The following ABCB5 variants were observed in gnomAD, a reference collection of about 807,000 sequenced individuals.
ABCB5 encodes the protein ATP-binding cassette sub-family B member 5.
A neutral mutation model predicts 144.2 loss-of-function variants in ABCB5; 155 were observed. That is an observed-to-expected ratio of 1.08 (90% confidence interval 0.94 to 1.23). The LOEUF is 1.23. ABCB5 is among the 50% of genes most tolerant of loss of function. The pLI is 0.00. For missense variants in ABCB5, 1,830 were observed against 1,520.8 expected (o/e 1.20, Z -3.38); for synonymous variants, 610 against 528.6 (o/e 1.15, Z -2.11).
chr7:20,677,601 C>G (rs954835809), intron 14 of ABCB5, among the ~76,000 whole-genome samples: 1 of 151,996 alleles, frequency 6.6e-6, no homozygotes, highest in African/African-American at 2.4e-5. Context: ...TGGTGGTGCA[C>G]GCCTGTAATT....
In ABCB5 at chr7:20,681,617, C is replaced by T. The variant is rs1339588954; in HGVS notation, c.1820C>T (p.Ala607Val). The change falls in exon 15 of 28, where the codon GCT (alanine) becomes GTT (valine). Residue 607 changes from alanine (A) to valine (V), a missense_variant. Transcript: ENST00000404938. ...DGMLAEKGAHAELMAKRGLYY... is the reference protein window; with the variant it reads ...DGMLAEKGAHVELMAKRGLYY... ...ATGCTGGCGGAGAAAGGAGCACATG[C>T]TGAACTAATGGCAAAACGAGGTCTA... The T allele has an allele frequency of 6.2e-7, 1 of 1,614,056 alleles. No homozygotes were observed. Among genetic ancestry groups the T allele is most frequent in the African/African-American group, 1.3e-5 (1 of 74,902 alleles).
At chr7:20,677,805 T>C (rs1785665017) in intron 14 of ABCB5, among the ~76,000 whole-genome samples, 1 of 152,132 alleles carries the variant, frequency 6.6e-6, no homozygotes, top group African/African-American at 2.4e-5. Flanking sequence ...TTTAAATGAC[T>C]CCCTTAATAT....
intron 17 of ABCB5, among the ~76,000 whole-genome samples, chr7:20,699,173 G>C (rs555317179): frequency 1.3e-5 from 2 of 152,244 alleles, no homozygotes; most frequent in East Asian, 3.9e-4. Flanking sequence ...AGACTACTAA[G>C]AAACTTGAGT....
chr7:20,635,757 C>T (rs957962109), intron 5 of ABCB5, among the ~76,000 whole-genome samples: 1 of 151,984 alleles, frequency 6.6e-6, no homozygotes, highest in African/African-American at 2.4e-5. Flanking sequence ...ATTTTATAAC[C>T]TGAGTCTTGA....
chr7:20,663,597 G>A (rs1391590368), intron 14 of ABCB5, among the ~76,000 whole-genome samples: 1 of 152,116 alleles, frequency 6.6e-6, no homozygotes, highest in Admixed American at 6.6e-5. Context: ...GGGAAAGCGG[G>A]GAGTTAGTGT....
At chr7:20,657,044 C>G (rs1407667946) in intron 13 of ABCB5, among the ~76,000 whole-genome samples, 1 of 151,546 alleles carries the variant, frequency 6.6e-6, no homozygotes, top group Non-Finnish European at 1.5e-5. Context: ...ACCTCAGCCT[C>G]CTGAGTAGCT....
chr7:20,748,917 A>T (rs10267176), intron 26 of ABCB5, among the ~76,000 whole-genome samples: 7,439 of 152,146 alleles, frequency 0.049, 270 homozygotes, highest in East Asian at 0.17. Flanking sequence ...TTATTTAGCA[A>T]ATTGAATTGT....
chr7:20,691,131 G>A (rs1786208810), intron 16 of ABCB5, among the ~76,000 whole-genome samples: 1 of 150,396 alleles, frequency 6.6e-6, no homozygotes, highest in South Asian at 2.1e-4. Flanking sequence ...TTCAGGCCTC[G>A]GAGCCTAGAG....
intron 23 of ABCB5, 116 bp from the exon 24 acceptor site, chr7:20,738,867 T>A (rs1782470911): frequency 2.6e-6 from 3 of 1,164,392 alleles, no homozygotes; most frequent in East Asian, 2.8e-5. Context: ...GCGTTAGGGG[T>A]GCCGTCTACA....
At chr7:20,659,384 T>A in intron 14 of ABCB5, 1 of 1,230,054 alleles carries the variant, frequency 8.1e-7, no homozygotes, top group South Asian at 3.7e-5. Flanking sequence ...TGCTTGGAAG[T>A]GAGTTAAGCG....
At chr7:20,742,743 A>T in intron 24 of ABCB5, 134 bp from the exon 25 acceptor site, 1 of 780,918 alleles carries the variant, frequency 1.3e-6, no homozygotes, top group Non-Finnish European at 2.1e-6. Context: ...AGCTCTACAG[A>T]GATGCATACA....
At chr7:20,731,385 T>TATATATATATATATATATATATATAC in intron 23 of ABCB5, among the ~76,000 whole-genome samples, 1 of 147,204 alleles carries the variant, frequency 6.8e-6, no homozygotes, top group South Asian at 2.1e-4. Context: ...TATATATATA[T>TATATATATATATATATATATATATAC]ACATATAAAA....
At position 20,654,019 on chromosome 7, in the gene ABCB5, G is replaced by T. The variant is rs2285562; in HGVS notation, c.1536+2396G>T. On this transcript the variant is annotated intron_variant, in intron 13 of 27. Coordinates refer to ENST00000404938, the MANE Select transcript of ABCB5 (RefSeq NM_001163941.2). ...CTGCCCTAACAAACCCTGAGACCAA[G>T]CCATGACAAGATGCCCAGAGAAGAG... Among the ~76,000 whole-genome samples the T allele has an allele frequency of 0.042, 6,419 of 152,238 alleles. 752 individuals carry two copies. In the East Asian group the frequency reaches 0.43, roughly 10 times the overall value.
chr7:20,692,877 G>A (rs1216176547), intron 16 of ABCB5, among the ~76,000 whole-genome samples: 1 of 152,020 alleles, frequency 6.6e-6, no homozygotes, highest in African/African-American at 2.4e-5. Flanking sequence ...AATTAAAAAG[G>A]AATCAGTTTA....
chr7:20,617,415 A>G (rs563771354), intron 1 of ABCB5, among the ~76,000 whole-genome samples: 66 of 152,320 alleles, frequency 4.3e-4, no homozygotes, highest in African/African-American at 1.4e-3. Flanking sequence ...ATACTTTAAA[A>G]CTGTGCTATT....
At chr7:20,620,841 CA>C (rs35442768) in intron 1 of ABCB5, among the ~76,000 whole-genome samples, 1 of 152,050 alleles carries the variant, frequency 6.6e-6, no homozygotes, top group East Asian at 1.9e-4. Context: ...GAATATTTCT[CA>C]AAAAGTTAAA....
chr7:20,727,265 T>C (rs766885155), intron 22 of ABCB5, 125 bp downstream of exon 22: 32 of 544,680 alleles, frequency 5.9e-5, no homozygotes, highest in Non-Finnish European at 9.8e-5. Flanking sequence ...TAATGTCATG[T>C]CATAATTTCT....
At chr7:20,658,342 A>G (rs1227135078) in intron 13 of ABCB5, among the ~76,000 whole-genome samples, 164 bp from the exon 14 acceptor site, 1 of 98,852 alleles carries the variant, frequency 1.0e-5, no homozygotes, top group Non-Finnish European at 2.2e-5. Context: ...TTTTTTTTTT[A>G]CAGCGGTTTG....
chr7:20,733,040 C>T (rs1476751419), intron 23 of ABCB5, among the ~76,000 whole-genome samples: 2 of 152,252 alleles, frequency 1.3e-5, no homozygotes, highest in East Asian at 3.9e-4. Context: ...CTGTGAAATA[C>T]TATGGTTCCC....
Sources: allele counts gnomAD v4.1 joint callset (sites outside exome capture counted in the v4.1 genomes callset), GRCh38; gene constraint gnomAD v4.1.1; transcripts MANE v1.5; gene names NCBI Gene and HGNC (gene_info 2026-07-23, HGNC 2026-07-21).